Variants in COMMD1 observed in about 807,000 individuals in gnomAD.
The protein encoded by COMMD1 is COMM domain-containing protein 1.
COMMD1 carries 10 observed loss-of-function variants against 17.2 expected under a neutral mutation model. The ratio of observed to expected loss-of-function variants is 0.58; its 90% CI spans 0.36 to 0.99. The LOEUF is 0.99. Ranked by LOEUF, COMMD1 falls within the 50% of genes least tolerant of loss-of-function variation. The pLI is 0.01. For missense variants in COMMD1, 270 were observed against 231.8 expected (o/e 1.17, Z -1.07); for synonymous variants, 97 against 91.6 (o/e 1.06, Z -0.34).
intron 1 of COMMD1, among the ~76,000 whole-genome samples, chr2:61,938,472 A>G (rs930270205): frequency 1.3e-5 from 2 of 152,190 alleles, no homozygotes; most frequent in Non-Finnish European, 2.9e-5. Context: ...AGGCGAGCTT[A>G]TAAAATTCCT....
intron 2 of COMMD1, among the ~76,000 whole-genome samples, chr2:62,005,453 C>G (rs1669084280): frequency 6.6e-6 from 1 of 151,964 alleles, no homozygotes; most frequent in African/African-American, 2.4e-5. Flanking sequence ...AATTGGAAGC[C>G]AAAGGGCTAA....
intron 1 of COMMD1, among the ~76,000 whole-genome samples, chr2:61,986,564 C>CTTTTTTT (rs70946773): frequency 9.5e-5 from 9 of 94,550 alleles, no homozygotes; most frequent in South Asian, 3.6e-4. Context: ...AGGCATCATT[C>CTTTTTTT]TTTTTTTTTT....
intron 2 of COMMD1, among the ~76,000 whole-genome samples, chr2:62,072,731 A>T (rs748999943): frequency 2.0e-5 from 3 of 152,186 alleles, no homozygotes; most frequent in Non-Finnish European, 4.4e-5. Context: ...TTCGGGCACC[A>T]CCGCATTCCC....
At chr2:62,038,009 C>G (rs924538611) in intron 2 of COMMD1, among the ~76,000 whole-genome samples, 1 of 152,186 alleles carries the variant, frequency 6.6e-6, no homozygotes, top group African/African-American at 2.4e-5. Flanking sequence ...GTGAATCAGT[C>G]TGGGCATGGT....
chr2:61,893,033 A>AGT (rs1669471975), intron 1 of COMMD1, among the ~76,000 whole-genome samples: 1 of 151,716 alleles, frequency 6.6e-6, no homozygotes, highest in Non-Finnish European at 1.5e-5. Flanking sequence ...GTGGTCGGCT[A>AGT]ATTTTGTATT....
intron 1 of COMMD1, 89 bp downstream of exon 1, chr2:61,905,947 C>A: frequency 7.4e-7 from 1 of 1,345,516 alleles, no homozygotes; most frequent in Non-Finnish European, 1.1e-6. Flanking sequence ...CCCCTGTCCT[C>A]ACAAGCCGAA....
chr2:61,953,436 T>G (rs1360442993), intron 1 of COMMD1, among the ~76,000 whole-genome samples: 1 of 150,832 alleles, frequency 6.6e-6, no homozygotes, highest in Non-Finnish European at 1.5e-5. Context: ...TGGCGCAATC[T>G]CAGCTCACTG....
chr2:62,060,726 C>T (rs1374689151), intron 2 of COMMD1, among the ~76,000 whole-genome samples: 1 of 152,034 alleles, frequency 6.6e-6, no homozygotes, highest in Non-Finnish European at 1.5e-5. Context: ...CATCTTTATT[C>T]TTGATGGATA....
At chr2:62,099,323 A>G (rs1402013200) in intron 2 of COMMD1, among the ~76,000 whole-genome samples, 1 of 152,104 alleles carries the variant, frequency 6.6e-6, no homozygotes, top group Non-Finnish European at 1.5e-5. Flanking sequence ...TACGATTCCC[A>G]TTCATTTTCT....
At position 62,087,112 on chromosome 2, in the gene COMMD1, T is replaced by C. The variant is rs1426093719; in HGVS notation, c.463-48719T>C. ...GTGCTGAATTACAGGTGTGAGTCAC[T>C]GCACCTGGCTGATATTGGAAGAATT... On this transcript the variant is annotated intron_variant, in intron 2 of 2. Coordinates refer to ENST00000311832, the MANE Select transcript of COMMD1 (RefSeq NM_152516.4). Among the ~76,000 whole-genome samples the C allele has an allele frequency of 3.9e-5, 6 of 152,250 alleles. No homozygotes were observed. The South Asian group carries it at 1.2e-3, about 32-fold the overall frequency.
At chr2:62,071,994 G>GT (rs35662724) in intron 2 of COMMD1, among the ~76,000 whole-genome samples, 13,235 of 144,940 alleles carry the variant, frequency 0.091, 728 homozygotes, top group Non-Finnish European at 0.13. Flanking sequence ...TTGTTAAATT[G>GT]TTTTTTTTTT....
At chr2:62,135,198 A>AT (rs948261340) in intron 2 of COMMD1, among the ~76,000 whole-genome samples, 3 of 152,164 alleles carry the variant, frequency 2.0e-5, no homozygotes, top group African/African-American at 7.2e-5. Context: ...CAGGGTCCTC[A>AT]TTTTTAAAAC....
chr2:62,058,912 C>T (rs1164058267), intron 2 of COMMD1, among the ~76,000 whole-genome samples: 2 of 152,106 alleles, frequency 1.3e-5, no homozygotes, highest in East Asian at 1.9e-4. Context: ...TCCCGAGTAG[C>T]TGGGATTACA....
At chr2:61,955,312 T>TCC (rs1553372193) in intron 1 of COMMD1, among the ~76,000 whole-genome samples, 3 of 145,472 alleles carry the variant, frequency 2.1e-5, no homozygotes, top group Middle Eastern at 3.6e-3. Flanking sequence ...CTCTCTCTCT[T>TCC]TCTCTCTCTC....
At chr2:61,908,844 G>A (rs1051301727) in intron 1 of COMMD1, among the ~76,000 whole-genome samples, 1 of 152,156 alleles carries the variant, frequency 6.6e-6, no homozygotes, top group African/African-American at 2.4e-5. Flanking sequence ...TGGGATTACA[G>A]GCGTGAGCCA....
chr2:61,968,743 A>G (rs971585148), intron 1 of COMMD1, among the ~76,000 whole-genome samples: 2 of 151,666 alleles, frequency 1.3e-5, no homozygotes, highest in Non-Finnish European at 2.9e-5. Context: ...TTTTTTATAT[A>G]GTTGAGATTT....
chr2:61,944,115 C>T (rs112621160), intron 1 of COMMD1, among the ~76,000 whole-genome samples: 2,223 of 152,182 alleles, frequency 0.015, 26 homozygotes, highest in South Asian at 0.026. Flanking sequence ...ATGAGCCAAT[C>T]GAGATTAATT....
intron 1 of COMMD1, among the ~76,000 whole-genome samples, chr2:61,948,677 T>C (rs1434184318): frequency 6.6e-6 from 1 of 152,240 alleles, no homozygotes; most frequent in African/African-American, 2.4e-5. Context: ...TTCTAGTGGA[T>C]AGAACAAATT....
intron 2 of COMMD1, among the ~76,000 whole-genome samples, chr2:62,112,587 T>C (rs562643598): frequency 6.6e-6 from 1 of 152,366 alleles, no homozygotes; most frequent in East Asian, 1.9e-4. Flanking sequence ...CAAACATTTA[T>C]TGAGAGTCTG....
Sources: allele counts gnomAD v4.1 joint callset (sites outside exome capture counted in the v4.1 genomes callset), GRCh38; gene constraint gnomAD v4.1.1; transcripts MANE v1.5; gene names NCBI Gene and HGNC (gene_info 2026-07-23, HGNC 2026-07-21).